GRM8: variants seen among roughly 807,000 people sequenced by gnomAD.
GRM8 encodes the protein metabotropic glutamate receptor 8.
Under a neutral mutation model 87.2 loss-of-function variants are expected in GRM8, and 47 were observed. The observed-to-expected ratio is 0.54, with a 90% CI of 0.43 to 0.69. The LOEUF is 0.69. GRM8 is among the 30% of genes least tolerant of loss of function. The pLI is 0.00. For synonymous variants in GRM8, 396 were observed against 404.5 expected (o/e 0.98, Z 0.25); for missense variants, 1,019 against 1,139.2 (o/e 0.89, Z 1.52).
chr7:126,677,876 C>T (rs1585484221), intron 7 of GRM8, among the ~76,000 whole-genome samples: 1 of 152,196 alleles, frequency 6.6e-6, no homozygotes, highest in African/African-American at 2.4e-5. Context: ...TAACTGTTCA[C>T]CAAGCTCCCA....
intron 9 of GRM8, among the ~76,000 whole-genome samples, chr7:126,455,037 G>A (rs1469635748): frequency 6.6e-6 from 1 of 151,658 alleles, no homozygotes; most frequent in Non-Finnish European, 1.5e-5. Flanking sequence ...AAAGATGTCT[G>A]ATATTGATTA....
At chr7:126,919,652 A>C (rs1285895074) in intron 3 of GRM8, among the ~76,000 whole-genome samples, 5 of 151,942 alleles carry the variant, frequency 3.3e-5, no homozygotes, top group African/African-American at 1.2e-4. Flanking sequence ...CTGAAGATGA[A>C]GACAACAATG....
intron 7 of GRM8, among the ~76,000 whole-genome samples, chr7:126,658,764 A>T (rs556061008): frequency 1.3e-5 from 2 of 152,146 alleles, no homozygotes; most frequent in East Asian, 3.9e-4. Flanking sequence ...CCAATATTAG[A>T]TTGGAAAAAA....
intron 6 of GRM8, among the ~76,000 whole-genome samples, chr7:126,872,887 G>T (rs907495396): frequency 2.0e-5 from 3 of 152,112 alleles, no homozygotes; most frequent in African/African-American, 7.2e-5. Context: ...ATATGTCATA[G>T]TTTCAGAGTA....
At chr7:126,801,973 T>A (rs898788719) in intron 6 of GRM8, among the ~76,000 whole-genome samples, 1 of 152,194 alleles carries the variant, frequency 6.6e-6, no homozygotes, top group African/African-American at 2.4e-5. Context: ...ACATAAGTAA[T>A]GTGTCACTAT....
At chr7:126,885,496 G>A (rs1438757537) in intron 6 of GRM8, among the ~76,000 whole-genome samples, 2 of 152,178 alleles carry the variant, frequency 1.3e-5, no homozygotes, top group Admixed American at 6.5e-5. Flanking sequence ...AAGCAGTCAG[G>A]AGAGTTCCCT....
At chr7:127,132,030 AAAT>A (rs1347230898) in intron 2 of GRM8, among the ~76,000 whole-genome samples, 1 of 152,220 alleles carries the variant, frequency 6.6e-6, no homozygotes, top group East Asian at 1.9e-4. Flanking sequence ...TTAAGGAAAA[AAAT>A]AATAAATAGG....
chr7:126,796,570 A>G (rs1821974942), intron 6 of GRM8, among the ~76,000 whole-genome samples: 1 of 152,002 alleles, frequency 6.6e-6, no homozygotes, highest in African/African-American at 2.4e-5. Flanking sequence ...GGCTCATAGG[A>G]ACCTGGTGAT....
intron 6 of GRM8, among the ~76,000 whole-genome samples, chr7:126,866,315 A>G (rs2130858357): frequency 6.7e-6 from 1 of 148,490 alleles, no homozygotes; most frequent in Admixed American, 6.7e-5. Context: ...TTTAGCTACA[A>G]CTGCCTTATC....
intron 6 of GRM8, among the ~76,000 whole-genome samples, chr7:126,854,044 G>C (rs975088724): frequency 6.6e-6 from 1 of 152,114 alleles, no homozygotes; most frequent in African/African-American, 2.4e-5. Flanking sequence ...TGGGGGTGGG[G>C]TGTGGATGCT....
chr7:126,440,167 AC>A (rs1312265729), intron 10 of GRM8, among the ~76,000 whole-genome samples: 1 of 151,896 alleles, frequency 6.6e-6, no homozygotes, highest in East Asian at 1.9e-4. Flanking sequence ...TAATCCCAGC[AC>A]TTTGGGAGGC....
At chr7:126,805,386 C>G (rs1030103590) in intron 6 of GRM8, among the ~76,000 whole-genome samples, 1 of 152,236 alleles carries the variant, frequency 6.6e-6, no homozygotes, top group East Asian at 1.9e-4. Flanking sequence ...TCCGCATCCC[C>G]CTGCCTGTCT....
intron 3 of GRM8, among the ~76,000 whole-genome samples, chr7:127,000,747 T>C (rs1813645014): frequency 6.6e-6 from 1 of 151,414 alleles, no homozygotes; most frequent in Admixed American, 6.6e-5. Context: ...ATGTACAGAG[T>C]TTCTGTATGG....
intron 6 of GRM8, among the ~76,000 whole-genome samples, chr7:126,814,109 C>T (rs1019264425): frequency 2.6e-5 from 4 of 151,868 alleles, no homozygotes; most frequent in African/African-American, 9.7e-5. Context: ...ACTGGAAGGC[C>T]CCTTCATTTA....
At chr7:126,563,258 TATA>T (rs1169470441) in intron 8 of GRM8, among the ~76,000 whole-genome samples, 1 of 151,896 alleles carries the variant, frequency 6.6e-6, no homozygotes, top group Non-Finnish European at 1.5e-5. Context: ...AGTTCTCTTT[TATA>T]ATATCAAAAC....
rs1585686465 is a variant in GRM8 at position 126,727,459 on chromosome 7, T to G, written c.1357+42406A>C. ...GCTTAATGAATTGGTACAATGAAGATCTTAACAACTCAATGGGATCAGTTT... is the reference window on the plus strand; with the variant it reads ...GCTTAATGAATTGGTACAATGAAGAGCTTAACAACTCAATGGGATCAGTTT... On this transcript the variant is annotated intron_variant, in intron 7 of 10. Coordinates refer to ENST00000339582, the MANE Select transcript of GRM8 (RefSeq NM_000845.3). Among the ~76,000 whole-genome samples the G allele has an allele frequency of 2.6e-5, 4 of 152,194 alleles. No homozygotes were observed. In the East Asian group the frequency reaches 5.8e-4, roughly 22 times the overall value.
At chr7:126,439,917 T>A (rs1460599299) in intron 10 of GRM8, among the ~76,000 whole-genome samples, 1 of 151,756 alleles carries the variant, frequency 6.6e-6, no homozygotes, top group South Asian at 2.1e-4. Context: ...TAGAAAAAAG[T>A]CTATCCTTGA....
Position 126,715,424 on chromosome 7 carries a change from C to T in GRM8, c.1357+54441G>A, listed in dbSNP as rs554466309. Reference sequence around the variant, plus strand: ...TGTTTACATTTCTCTCAACTGTAAACGGCACCATGTATGGTCTGAAAGTGT... The same window carrying T: ...TGTTTACATTTCTCTCAACTGTAAATGGCACCATGTATGGTCTGAAAGTGT... On this transcript the variant is annotated intron_variant, in intron 7 of 10. Transcript: ENST00000339582. 5.9e-5 allele frequency among the ~76,000 whole-genome samples: 9 copies of T among 152,274 alleles called. No individual in the cohort carries two copies. The South Asian group carries it at 6.2e-4, about 11-fold the overall frequency.
intron 6 of GRM8, among the ~76,000 whole-genome samples, chr7:126,790,461 A>G (rs1384489570): frequency 1.3e-5 from 2 of 152,238 alleles, no homozygotes; most frequent in African/African-American, 4.8e-5. Flanking sequence ...CTTCATAAAG[A>G]TGCAATAGAT....
Sources: gnomAD v4.1 joint callset for allele counts (sites outside exome capture counted in the v4.1 genomes callset) on GRCh38, gnomAD v4.1.1 for gene constraint, MANE v1.5 for transcripts, NCBI Gene and HGNC (gene_info 2026-07-23, HGNC 2026-07-21) for gene names.